Variants in NKAIN2 observed in about 807,000 individuals in gnomAD.
NKAIN2 encodes the protein sodium/potassium transporting ATPase interacting 2.
In NKAIN2, 14 loss-of-function variants were observed where a neutral mutation model predicts 32.6. That is an observed-to-expected ratio of 0.43 (90% CI 0.28 to 0.67). NKAIN2 has a LOEUF of 0.67. NKAIN2 is among the 30% of genes least tolerant of loss of function. The pLI, the probability that NKAIN2 is intolerant of heterozygous loss-of-function variation, is 0.17. For synonymous variants in NKAIN2, 80 were observed against 87.2 expected (o/e 0.92, Z 0.46); for missense variants, 198 against 258.3 (o/e 0.77, Z 1.60).
chr6:124,270,515 AATCG>A (rs1381603552), intron 1 of NKAIN2, among the ~76,000 whole-genome samples: 2 of 152,186 alleles, frequency 1.3e-5, no homozygotes, highest in Non-Finnish European at 2.9e-5. Flanking sequence ...AAAAAATAGC[AATCG>A]AGTTTTTTCT....
chr6:124,233,226 GAA>G (rs201145523), intron 1 of NKAIN2, among the ~76,000 whole-genome samples: 2 of 143,552 alleles, frequency 1.4e-5, no homozygotes, highest in African/African-American at 5.1e-5. Context: ...ACCTTTTAGA[GAA>G]AAAAAAAAAC....
intron 2 of NKAIN2, among the ~76,000 whole-genome samples, chr6:124,292,950 G>A (rs945842564): frequency 6.6e-6 from 1 of 151,940 alleles, no homozygotes; most frequent in Non-Finnish European, 1.5e-5. Flanking sequence ...CTTTAAATAG[G>A]TGCACAAGAA....
In NKAIN2 at chr6:124,030,914, C is replaced by T. The variant is rs1232357816; in HGVS notation, c.54+226660C>T. Among the ~76,000 whole-genome samples the T allele has an allele frequency of 2.6e-5, 4 of 152,148 alleles. No individual in the cohort carries two copies. The East Asian group carries it at 7.7e-4, about 29-fold the overall frequency. ...CATTTATTCTTGTGCTGGAGAGTCT[C>T]ACCTCTTAAGAGGAACCCACTAGGT... On this transcript the variant is annotated intron_variant, in intron 1 of 6. Coordinates refer to ENST00000368417, the MANE Select transcript of NKAIN2 (RefSeq NM_001040214.3).
intron 1 of NKAIN2, among the ~76,000 whole-genome samples, chr6:124,185,502 CTG>C (rs1215237343): frequency 2.0e-5 from 3 of 152,080 alleles, no homozygotes; most frequent in Non-Finnish European, 4.4e-5. Context: ...CAATAAAAGA[CTG>C]TGTCTACTGT....
intron 3 of NKAIN2, among the ~76,000 whole-genome samples, chr6:124,376,328 A>G (rs561859317): frequency 1.1e-4 from 16 of 152,226 alleles, no homozygotes; most frequent in African/African-American, 3.8e-4. Flanking sequence ...GAAATCAACA[A>G]TTTTTATGGT....
chr6:124,769,413 A>G (rs771440058), intron 4 of NKAIN2, among the ~76,000 whole-genome samples: 2 of 152,128 alleles, frequency 1.3e-5, no homozygotes, highest in African/African-American at 4.8e-5. Flanking sequence ...TGTTCCTGCA[A>G]TCCCCCACCC....
At chr6:124,415,076 A>G (rs1317383520) in intron 3 of NKAIN2, among the ~76,000 whole-genome samples, 1 of 152,172 alleles carries the variant, frequency 6.6e-6, no homozygotes, top group Non-Finnish European at 1.5e-5. Context: ...CACCAACAGG[A>G]AAGTAATGCA....
intron 1 of NKAIN2, among the ~76,000 whole-genome samples, chr6:123,860,475 G>A (rs956735926): frequency 6.6e-6 from 1 of 152,040 alleles, no homozygotes. Flanking sequence ...CAATGGCTCT[G>A]TCATGGCTCA....
At chr6:124,820,591 G>T (rs1395551324) in intron 6 of NKAIN2, among the ~76,000 whole-genome samples, 4 of 152,130 alleles carry the variant, frequency 2.6e-5, no homozygotes, top group African/African-American at 9.7e-5. Flanking sequence ...ATTCCTAAAA[G>T]ATCTCCTCTG....
chr6:124,671,387 C>G (rs1316092623), intron 4 of NKAIN2, among the ~76,000 whole-genome samples: 1 of 152,110 alleles, frequency 6.6e-6, no homozygotes, highest in Middle Eastern at 3.2e-3. Context: ...GCAAACTATA[C>G]TTAAATGCCA....
chr6:124,116,519 T>C (rs193089062), intron 1 of NKAIN2, among the ~76,000 whole-genome samples: 174 of 152,284 alleles, frequency 1.1e-3, no homozygotes, highest in African/African-American at 4.0e-3. Flanking sequence ...GTTTTTACTT[T>C]AATGCAGATT....
intron 1 of NKAIN2, among the ~76,000 whole-genome samples, chr6:124,266,850 G>A (rs1349025847): frequency 2.0e-5 from 3 of 152,132 alleles, no homozygotes; most frequent in African/African-American, 2.4e-5. Context: ...ATATATAGAT[G>A]CACATACACA....
intron 3 of NKAIN2, among the ~76,000 whole-genome samples, chr6:124,501,453 A>G (rs1215152559): frequency 6.6e-6 from 1 of 152,226 alleles, no homozygotes; most frequent in Non-Finnish European, 1.5e-5. Flanking sequence ...AAAGAAAAAA[A>G]ACAAAACAAA....
At chr6:123,945,202 A>G (rs757197994) in intron 1 of NKAIN2, among the ~76,000 whole-genome samples, 4 of 151,956 alleles carry the variant, frequency 2.6e-5, no homozygotes, top group East Asian at 1.9e-4. Context: ...TTTTTCATCA[A>G]TGTCTTCAAG....
At chr6:124,800,253 TCTC>T (rs201867683) in intron 5 of NKAIN2, among the ~76,000 whole-genome samples, 3,691 of 152,188 alleles carry the variant, frequency 0.024, 128 homozygotes, top group African/African-American at 0.083. Context: ...TGTTCAGAGG[TCTC>T]CTTCTTAACA....
intron 4 of NKAIN2, among the ~76,000 whole-genome samples, chr6:124,691,490 G>C (rs1214198004): frequency 6.6e-6 from 1 of 152,078 alleles, no homozygotes; most frequent in Non-Finnish European, 1.5e-5. Context: ...GAGTTCCTCT[G>C]CCGAGAATTC....
intron 4 of NKAIN2, among the ~76,000 whole-genome samples, chr6:124,775,907 ATCCAAAGGG>A (rs1190341335): frequency 6.6e-6 from 1 of 152,188 alleles, no homozygotes. Context: ...TACCAATAGT[ATCCAAAGGG>A]TCCAAAGGGT....
intron 4 of NKAIN2, among the ~76,000 whole-genome samples, chr6:124,664,846 A>G (rs956561762): frequency 3.7e-4 from 56 of 150,558 alleles, no homozygotes; most frequent in Non-Finnish European, 2.1e-4. Flanking sequence ...AAGTTAAAAA[A>G]CATTAGCACA....
At chr6:124,089,045 G>A (rs1209566110) in intron 1 of NKAIN2, among the ~76,000 whole-genome samples, 1 of 151,918 alleles carries the variant, frequency 6.6e-6, no homozygotes, top group Non-Finnish European at 1.5e-5. Flanking sequence ...GCAAAACATG[G>A]CCAACATGGT....
Sources: gnomAD v4.1 joint callset for allele counts (sites outside exome capture counted in the v4.1 genomes callset) on GRCh38, gnomAD v4.1.1 for gene constraint, MANE v1.5 for transcripts, NCBI Gene and HGNC (gene_info 2026-07-23, HGNC 2026-07-21) for gene names.